The following TTC23L variants were observed in gnomAD, a reference collection of about 807,000 sequenced individuals.
TTC23L encodes tetratricopeptide repeat domain 23 like.
Under a neutral mutation model 48.1 loss-of-function variants are expected in TTC23L, and 42 were observed. The observed-to-expected ratio is 0.87, with a 90% CI of 0.68 to 1.13. The LOEUF (loss-of-function observed/expected upper bound fraction) is 1.13. TTC23L is among the 50% of genes most tolerant of loss of function. The pLI is 0.00. For synonymous variants in TTC23L, 159 were observed against 157.2 expected (o/e 1.01, Z -0.09); for missense variants, 391 against 421.0 (o/e 0.93, Z 0.62).
At chr5:34,868,536 C>A in intron 7 of TTC23L, 1 of 173,376 alleles carries the variant, frequency 5.8e-6, no homozygotes, top group East Asian at 1.4e-4. Flanking sequence ...AAATACTATT[C>A]TTATTATCCC....
At position 34,892,736 on chromosome 5, in the gene TTC23L, T is replaced by C. The variant is rs540062714; in HGVS notation, c.1078-4034T>C. 6.6e-5 allele frequency among the ~76,000 whole-genome samples: 10 copies of C among 152,242 alleles called. No homozygotes were observed. The East Asian group carries it at 1.7e-3, about 26-fold the overall frequency. ...AGAAGCTAGAGGAGAGTATTCCAAG[T>C]TGCATGAACAGAAGCATAGTGGCGT... On this transcript the variant is annotated intron_variant, in intron 9 of 10. Transcript: ENST00000505624.
At chr5:34,916,160 G>GT in the TTC23L span, 1 of 345,090 alleles carries the variant, frequency 2.9e-6, no homozygotes, top group South Asian at 8.8e-5. Context: ...CAGATCCAGC[G>GT]TTCTTTCTTA....
At chr5:34,894,349 G>C (rs1192312934) in intron 9 of TTC23L, among the ~76,000 whole-genome samples, 2 of 152,046 alleles carry the variant, frequency 1.3e-5, no homozygotes, top group African/African-American at 4.8e-5. Flanking sequence ...TCATTCAAAG[G>C]CATGATGTAG....
chr5:34,895,519 T>G (rs1763160903), intron 9 of TTC23L, among the ~76,000 whole-genome samples: 1 of 152,220 alleles, frequency 6.6e-6, no homozygotes, highest in African/African-American at 2.4e-5. Context: ...TACCGAAAAG[T>G]TATTTTGATA....
chr5:34,889,630 A>G (rs908670857), intron 9 of TTC23L, among the ~76,000 whole-genome samples: 14 of 152,156 alleles, frequency 9.2e-5, no homozygotes, highest in African/African-American at 3.4e-4. Context: ...CCTGTGTTAC[A>G]AGGATACAGA....
chr5:34,901,795 T>G (rs1432887225), downstream of TTC23L, among the ~76,000 whole-genome samples: 2 of 151,802 alleles, frequency 1.3e-5, no homozygotes, highest in African/African-American at 4.8e-5. Context: ...CAAAAGAAAC[T>G]AGGGACAAGA....
intron 4 of TTC23L, among the ~76,000 whole-genome samples, chr5:34,858,922 C>G (rs968499367): frequency 6.6e-6 from 1 of 152,152 alleles, no homozygotes; most frequent in Non-Finnish European, 1.5e-5. Context: ...GGGGCCTAGT[C>G]GTGTGAAAGC....
At chr5:34,878,821 A>T (rs935721677) in intron 8 of TTC23L, among the ~76,000 whole-genome samples, 2 of 152,206 alleles carry the variant, frequency 1.3e-5, no homozygotes, top group Non-Finnish European at 2.9e-5. Flanking sequence ...TGACCATTTG[A>T]TCCAGGAATC....
At chr5:34,845,659 A>G (rs548095124) in exon 3 of TTC23L, 1 of 1,603,628 alleles carries the variant, frequency 6.2e-7, no homozygotes, top group Non-Finnish European at 8.5e-7. Flanking sequence ...AGCTCAGCTG[A>G]TTAAGGAAAA....
chr5:34,908,972 T>A, the TTC23L span: 1 of 1,573,912 alleles, frequency 6.4e-7, no homozygotes. Context: ...AATAAAACGC[T>A]GTTATATCAA....
At chr5:34,845,706 CA>C (rs1759058056) in intron 3 of TTC23L, 33 bp downstream of exon 3, 1 of 1,578,918 alleles carries the variant, frequency 6.3e-7, no homozygotes, top group Non-Finnish European at 8.6e-7. Flanking sequence ...ATTTTGTTTC[CA>C]TTTAAAAATA....
In TTC23L at chr5:34,877,069, A is replaced by G. The variant is rs376792742; in HGVS notation, c.950-3112A>G. Among the ~76,000 whole-genome samples, 10 of 152,340 alleles carry G rather than the reference A, an allele frequency of 6.6e-5. No homozygotes were observed. The East Asian group carries it at 1.9e-3, about 29-fold the overall frequency. Reference sequence around the variant, plus strand: ...AACATAGAGGCAAAAATCCTTAACAAAACATCAGCAAGTTGAATCCATCAA... The same window carrying G: ...AACATAGAGGCAAAAATCCTTAACAGAACATCAGCAAGTTGAATCCATCAA... On this transcript the variant is annotated intron_variant, in intron 8 of 10. Transcript: ENST00000505624.
intron 8 of TTC23L, among the ~76,000 whole-genome samples, chr5:34,875,233 T>C (rs1761745898): frequency 6.6e-6 from 1 of 152,152 alleles, no homozygotes; most frequent in African/African-American, 2.4e-5. Flanking sequence ...TAAGAAGAAA[T>C]AGATGAATTC....
At chr5:34,925,052 G>A in the TTC23L span, 1 of 1,532,190 alleles carries the variant, frequency 6.5e-7, no homozygotes, top group Non-Finnish European at 8.8e-7. Flanking sequence ...AGTAATTGCT[G>A]TTTTATTACC....
chr5:34,925,131 T>C, the TTC23L span: 1 of 1,444,968 alleles, frequency 6.9e-7, no homozygotes, highest in Non-Finnish European at 9.2e-7. Context: ...TGACACTGGC[T>C]GAAAGGATAT....
chr5:34,923,017 C>T, the TTC23L span: 5 of 1,537,010 alleles, frequency 3.3e-6, no homozygotes, highest in Non-Finnish European at 3.6e-6. Flanking sequence ...GATGAATTAC[C>T]ACATTATGCT....
the TTC23L span, among the ~76,000 whole-genome samples, chr5:34,919,167 TCAGGAGTCTCAAG>T: frequency 2.7e-5 from 4 of 148,168 alleles, no homozygotes; most frequent in Non-Finnish European, 5.9e-5. Context: ...TCCCAGCTAC[TCAGGAGTCTCAAG>T]CAGGAGGATG....
chr5:34,902,192 G>C (rs564911410), downstream of TTC23L, among the ~76,000 whole-genome samples: 1 of 152,282 alleles, frequency 6.6e-6, no homozygotes, highest in African/African-American at 2.4e-5. Flanking sequence ...GGGAGGCTGA[G>C]GCAGGGGGAT....
the TTC23L span, chr5:34,925,090 A>G: frequency 2.3e-5 from 34 of 1,465,082 alleles, no homozygotes; most frequent in Admixed American, 1.3e-4. Context: ...TTTTTGCTGC[A>G]TAGAAACTTG....
Sources: allele counts gnomAD v4.1 joint callset (sites outside exome capture counted in the v4.1 genomes callset), GRCh38; gene constraint gnomAD v4.1.1; transcripts MANE v1.5; gene names NCBI Gene and HGNC (gene_info 2026-07-23, HGNC 2026-07-21).